MCFD2: variants seen among roughly 807,000 people sequenced by gnomAD.
MCFD2 encodes the protein multiple coagulation factor deficiency protein 2.
MCFD2 carries 11 observed loss-of-function variants against 12.8 expected under a neutral mutation model. That is an observed-to-expected ratio of 0.86 (90% CI 0.54 to 1.42). The LOEUF (loss-of-function observed/expected upper bound fraction) is 1.42. MCFD2 is among the 40% of genes most tolerant of loss of function. The probability of loss-of-function intolerance (pLI) is 0.00; values close to 1 mark genes in which losing one functional copy is unlikely to be tolerated. For synonymous variants in MCFD2, 70 were observed against 68.1 expected (o/e 1.03, Z -0.14); for missense variants, 191 against 178.6 (o/e 1.07, Z -0.40).
At chr2:46,905,702 A>AAAG in intron 3 of MCFD2, 108 bp from the exon 4 acceptor site, 1 of 1,129,540 alleles carries the variant, frequency 8.9e-7, no homozygotes, top group Middle Eastern at 2.2e-4. Context: ...TATTAAAAAA[A>AAAG]AAAAAAAAAA....
chr2:46,920,158 G>A (rs771764343), upstream of MCFD2, among the ~76,000 whole-genome samples: 2 of 152,138 alleles, frequency 1.3e-5, no homozygotes, highest in Non-Finnish European at 2.9e-5. Flanking sequence ...TCAAATTCAT[G>A]TTGGGGGAAG....
chr2:46,918,258 C>A (rs59161545), upstream of MCFD2, among the ~76,000 whole-genome samples: 8 of 152,146 alleles, frequency 5.3e-5, no homozygotes, highest in Non-Finnish European at 1.2e-4. Flanking sequence ...TAAAATTCTA[C>A]GAGCTGTTTT....
intron 1 of MCFD2, among the ~76,000 whole-genome samples, chr2:46,925,901 T>C (rs1246562251): frequency 6.6e-6 from 1 of 152,162 alleles, no homozygotes; most frequent in African/African-American, 2.4e-5. Flanking sequence ...CTGCCTTGAG[T>C]TCTTAGATAC....
In MCFD2 at chr2:46,940,384, A is replaced by T. The variant is rs1426212664; in HGVS notation, c.-8+1188T>A. ...GTGGCTTCTCCAGCACTGGTCTGTG[A>T]GCTGCGGCGGCAGCGGGGCCGGGCC... On this transcript the variant is annotated intron_variant, in intron 1 of 2. Coordinates refer to the MCFD2 transcript ENST00000409147. This position sits in a 1 kb window ranked among gnomAD's most constrained non-coding sequence, Gnocchi z 4.7. 6.6e-6 allele frequency among the ~76,000 whole-genome samples: 1 copy of T among 152,072 alleles called. No homozygotes were observed.
rs1670331543 is a variant in MCFD2 at position 46,941,244 on chromosome 2, G to C, written c.-8+328C>G. 6.6e-6 allele frequency: 1 copy of C among 150,540 alleles called. No individual in the cohort carries two copies. The allele number at this position is 150,540 out of a possible 1,614,324, so 9.3% of individuals were successfully genotyped here. ...AGGCTGTGGCAGCAGCTGCAGCGGC[G>C]GCGGCGGCGGCAGCGCCAGGAGCTG... is the stretch of plus-strand genomic sequence containing the variant. On this transcript the variant is annotated intron_variant, in intron 1 of 2. Transcript: ENST00000409147. This position sits in a 1 kb window ranked among gnomAD's most constrained non-coding sequence, Gnocchi z 4.2.
rs528240187 is a variant in MCFD2 at position 46,915,491 on chromosome 2, G to A, written c.-7+232C>T. Among the ~76,000 whole-genome samples the A allele has an allele frequency of 8.5e-5, 13 of 152,322 alleles. No individual in the cohort carries two copies. The South Asian group carries it at 1.9e-3, about 22-fold the overall frequency. On this transcript the variant is annotated intron_variant, in intron 1 of 3. Transcript: ENST00000319466. ...TCGGGCCCCTAGGGACCAGGGAAGG[G>A]GGCGGAGATCTGCCCAGTCGGCCCC...
At chr2:46,930,660 C>A (rs1008514148) in intron 1 of MCFD2, among the ~76,000 whole-genome samples, 30 of 152,176 alleles carry the variant, frequency 2.0e-4, no homozygotes, top group Non-Finnish European at 3.2e-4. Flanking sequence ...CAACCACGTG[C>A]AGCTAATTTT....
intron 1 of MCFD2, among the ~76,000 whole-genome samples, chr2:46,930,560 C>T (rs1287007881): frequency 1.3e-5 from 2 of 148,170 alleles, no homozygotes; most frequent in Non-Finnish European, 3.0e-5. Context: ...AATGCAGTGG[C>T]GCGATCTTGG....
intron 1 of MCFD2, among the ~76,000 whole-genome samples, chr2:46,911,417 C>G (rs908461165): frequency 6.7e-6 from 1 of 150,250 alleles, no homozygotes; most frequent in African/African-American, 2.4e-5. Context: ...CATGAGCCAC[C>G]GTGCCCGGCC....
In MCFD2 at chr2:46,905,085, T is replaced by C. The variant is rs1033319706; in HGVS notation, c.*378A>G. On this transcript the variant is annotated 3_prime_UTR_variant, in exon 4 of 4. Transcript: ENST00000319466. ...TCTTCCTCATTTTCTCTTGCTGCCATGTAAGAAGTGCCTTTCACCTCCCGC... is the reference window on the plus strand; with the variant it reads ...TCTTCCTCATTTTCTCTTGCTGCCACGTAAGAAGTGCCTTTCACCTCCCGC... 3.0e-6 allele frequency: 1 copy of C among 334,394 alleles called. No homozygotes were observed. The highest frequency in any genetic ancestry group is 5.7e-6 in the Non-Finnish European group (1 of 176,824). 20.7% of individuals were successfully genotyped at this position (334,394 alleles called of 1,614,324 possible). A position where few individuals can be genotyped will look rare whatever the true frequency, so the allele number is the denominator to read the frequency against.
chr2:46,926,344 A>G (rs1669382878), intron 1 of MCFD2, among the ~76,000 whole-genome samples: 1 of 152,172 alleles, frequency 6.6e-6, no homozygotes, highest in Admixed American at 6.5e-5. Context: ...GATGCTCCCT[A>G]TCCTCAAGAT....
upstream of MCFD2, among the ~76,000 whole-genome samples, chr2:46,920,211 A>G (rs1215732483): frequency 5.9e-5 from 9 of 152,228 alleles, no homozygotes; most frequent in Admixed American, 5.9e-4. Context: ...TAATGTATGT[A>G]TTAAATCACA....
At position 46,924,658 on chromosome 2, in the gene MCFD2, G is replaced by C. The variant is rs149813876; in HGVS notation, c.-7-16689C>G. Among the ~76,000 whole-genome samples, 48 of 151,520 alleles carry C rather than the reference G, an allele frequency of 3.2e-4. No homozygotes were observed. In the East Asian group the frequency reaches 3.9e-3, roughly 12 times the overall value. ...TTTTTTCCCCTGGAGATAGGGTCTT[G>C]CTCTGTCACCCTGGCTGGAGCGCAG... is the stretch of plus-strand genomic sequence containing the variant. On this transcript the variant is annotated intron_variant, in intron 1 of 2. Transcript: ENST00000409147.
intron 1 of MCFD2, among the ~76,000 whole-genome samples, chr2:46,927,883 T>G (rs1441127622): frequency 1.6e-5 from 2 of 123,360 alleles, no homozygotes; most frequent in Non-Finnish European, 3.4e-5. Context: ...GTTTTTTTGG[T>G]GTTTTTTTTT....
chr2:46,905,919 C>G, intron 3 of MCFD2: 1 of 487,270 alleles, frequency 2.1e-6, no homozygotes, highest in Non-Finnish European at 4.2e-6. Context: ...TTCATTATGG[C>G]TCATTCTTCT....
At chr2:46,935,439 C>T (rs188819768) in intron 1 of MCFD2, among the ~76,000 whole-genome samples, 1 of 152,262 alleles carries the variant, frequency 6.6e-6, no homozygotes, top group Admixed American at 6.5e-5. Context: ...ACAAAACAGA[C>T]CCCAACACTT....
upstream of MCFD2, among the ~76,000 whole-genome samples, chr2:46,920,321 C>A (rs541449212): frequency 1.2e-3 from 175 of 152,142 alleles, 1 homozygote; most frequent in African/African-American, 4.1e-3. Context: ...GATAAACATT[C>A]TCTTCTTCAG....
At chr2:46,934,357 C>G (rs1669859034) in intron 1 of MCFD2, among the ~76,000 whole-genome samples, 1 of 152,220 alleles carries the variant, frequency 6.6e-6, no homozygotes, top group Non-Finnish European at 1.5e-5. Flanking sequence ...CTTCCGGGTT[C>G]AAGCAATGCT....
chr2:46,907,970 C>G lies in MCFD2; in HGVS notation c.150-1G>C. On this transcript the variant is annotated splice_acceptor_variant, in intron 2 of 3. Coordinates refer to ENST00000319466, the MANE Select transcript of MCFD2 (RefSeq NM_139279.6). LOFTEE classifies it high-confidence loss of function. The surrounding 1 kb of genome is among the most constrained non-coding windows in gnomAD (Gnocchi z 4.1). Reference sequence around the variant, plus strand: ...ACCTTCTAGATGCTCCATGATATGCCTAAAAATCAACAGTCAGGTTCAGGC... The same window carrying G: ...ACCTTCTAGATGCTCCATGATATGCGTAAAAATCAACAGTCAGGTTCAGGC... 6.2e-7 allele frequency: 1 copy of G among 1,614,078 alleles called. No individual in the cohort carries two copies. The highest frequency in any genetic ancestry group is 1.3e-5 in the African/African-American group (1 of 75,006).
Sources: allele counts gnomAD v4.1 joint callset (sites outside exome capture counted in the v4.1 genomes callset), GRCh38; gene constraint gnomAD v4.1.1; non-coding constraint Gnocchi (gnomAD v3.1); transcripts MANE v1.5; gene names NCBI Gene and HGNC (gene_info 2026-07-23, HGNC 2026-07-21).